ADAM32: variants seen among roughly 807,000 people sequenced by gnomAD.
ADAM32 encodes ADAM metallopeptidase domain 32.
In ADAM32, 89 loss-of-function variants were observed where a neutral mutation model predicts 114.9. The ratio of observed to expected loss-of-function variants is 0.77; its 90% CI spans 0.65 to 0.92. The LOEUF (loss-of-function observed/expected upper bound fraction) is 0.92, where lower values mean the gene tolerates loss of function less well. ADAM32 is among the 40% of genes least tolerant of loss of function. The pLI is 0.00. For synonymous variants in ADAM32, 285 were observed against 307.5 expected (o/e 0.93, Z 0.77); for missense variants, 870 against 932.8 (o/e 0.93, Z 0.88).
intron 10 of ADAM32, among the ~76,000 whole-genome samples, chr8:39,182,983 G>A (rs1056500846): frequency 1.1e-4 from 17 of 152,178 alleles, no homozygotes; most frequent in Non-Finnish European, 2.1e-4. Flanking sequence ...AGGTCAAATG[G>A]TATAGTTGGC....
intron 11 of ADAM32, 34 bp from the exon 12 acceptor site, chr8:39,211,110 T>C (rs779049657): frequency 7.9e-6 from 11 of 1,391,764 alleles, no homozygotes; most frequent in Non-Finnish European, 1.0e-5. Context: ...TCCAGAAGTA[T>C]ACTGCCAATG....
chr8:39,230,477 C>T (rs1051383805), intron 14 of ADAM32, among the ~76,000 whole-genome samples: 10 of 152,206 alleles, frequency 6.6e-5, no homozygotes, highest in African/African-American at 2.4e-4. Context: ...TGTGACCAAA[C>T]ATATTCTTTA....
intron 14 of ADAM32, 48 bp from the exon 15 acceptor site, chr8:39,231,979 G>A (rs1363656449): frequency 4.9e-6 from 7 of 1,438,344 alleles, no homozygotes; most frequent in Non-Finnish European, 6.8e-6. Context: ...GGAGGAAGAT[G>A]AAAAACCAAT....
At chr8:39,165,901 T>G (rs1804802020) in intron 9 of ADAM32, 1 of 152,194 alleles carries the variant, frequency 6.6e-6, no homozygotes, top group Non-Finnish European at 1.5e-5. Context: ...ATTTGCTTTT[T>G]TTCTGATGAC....
chr8:39,224,949 G>T (rs1809250948), intron 14 of ADAM32, among the ~76,000 whole-genome samples: 5 of 152,144 alleles, frequency 3.3e-5, no homozygotes, highest in Admixed American at 3.3e-4. Context: ...GAACAAAGAA[G>T]GGAGGAAGCT....
intron 16 of ADAM32, among the ~76,000 whole-genome samples, chr8:39,234,641 A>C (rs1379217143): frequency 6.6e-6 from 1 of 152,258 alleles, no homozygotes; most frequent in East Asian, 1.9e-4. Flanking sequence ...TGCCCAGAAC[A>C]TAGTAATAAC....
At chr8:39,170,713 T>A (rs1585448278) in intron 10 of ADAM32, among the ~76,000 whole-genome samples, 1 of 152,090 alleles carries the variant, frequency 6.6e-6, no homozygotes, top group South Asian at 2.1e-4. Flanking sequence ...TTGATTGATA[T>A]ATATATCTTA....
At chr8:39,231,718 G>T (rs542548110) in intron 14 of ADAM32, among the ~76,000 whole-genome samples, 23 of 152,198 alleles carry the variant, frequency 1.5e-4, no homozygotes, top group Admixed American at 5.9e-4. Flanking sequence ...TAGAAGAATG[G>T]TATAGTTTTC....
chr8:39,238,797 A>G (rs565596844), intron 16 of ADAM32, among the ~76,000 whole-genome samples: 3 of 152,260 alleles, frequency 2.0e-5, no homozygotes, highest in African/African-American at 7.2e-5. Flanking sequence ...AGTTTCAACA[A>G]TAGAATTGAA....
intron 2 of ADAM32, among the ~76,000 whole-genome samples, chr8:39,118,607 A>C (rs1312535798): frequency 3.9e-5 from 6 of 152,114 alleles, no homozygotes; most frequent in African/African-American, 1.4e-4. Flanking sequence ...TTGTTCATTG[A>C]TTTATTTAGC....
rs371182952 is a variant in ADAM32, at chr8:39,149,858, C to T, written c.344C>T (p.Ser115Phe). ...TCCATGGTCACACTCAGCACGTGCT[C>T]TGGACTAAGGTTGTTTTCTGTTGTT... ...PDSMVTLSTC[S>F]GLRGILQFEN... The change falls in exon 5 of 25, where the codon TCT (serine) becomes TTT (phenylalanine). Residue 115 changes from serine (S) to phenylalanine (F), a missense_variant. By Grantham distance (155) the Ser-to-Phe change is radical. Coordinates refer to ENST00000379907, the MANE Select transcript of ADAM32 (RefSeq NM_145004.7). 3 of 1,609,744 alleles carry T rather than the reference C, an allele frequency of 1.9e-6. No homozygotes were observed. Among genetic ancestry groups the T allele is most frequent in the Non-Finnish European group, 2.5e-6 (3 of 1,177,170 alleles).
intron 1 of ADAM32, among the ~76,000 whole-genome samples, chr8:39,115,227 T>C (rs1588460919): frequency 6.6e-6 from 1 of 152,246 alleles, no homozygotes; most frequent in Non-Finnish European, 1.5e-5. Flanking sequence ...CCCTTGGGTA[T>C]ATACTCAGTA....
intron 1 of ADAM32, 100 bp from the exon 2 acceptor site, chr8:39,117,986 C>A: frequency 1.5e-6 from 1 of 687,566 alleles, no homozygotes; most frequent in Non-Finnish European, 2.3e-6. Context: ...AGTGATGAGC[C>A]ACCCATACCT....
intron 19 of ADAM32, among the ~76,000 whole-genome samples, chr8:39,265,802 A>T (rs889596422): frequency 2.6e-5 from 4 of 152,138 alleles, no homozygotes; most frequent in African/African-American, 9.7e-5. Flanking sequence ...GCAGGTAATG[A>T]TCTTCCCTTT....
At position 39,246,102 on chromosome 8, in the gene ADAM32, G is replaced by A; in HGVS notation, c.1838G>A (p.Cys613Tyr). The change falls in exon 17 of 25, where the codon TGT becomes TAT. Residue 613 changes from cysteine to tyrosine, a missense_variant. Cys to Tyr is a radical substitution (Grantham distance 194). Coordinates refer to ENST00000379907, the MANE Select transcript of ADAM32 (RefSeq NM_145004.7). ...DIGRVCVNRE[C>Y]VESRIIKASA... is the part of the protein sequence containing the mutation. The stretch of plus-strand genomic sequence containing the variant: ...CTTTAGGTTTGTGTAAATCGTGAAT[G>A]TGTAGAATCAAGGATAATTAAGGCT... 1 of 1,613,500 alleles carries A rather than the reference G, an allele frequency of 6.2e-7. No homozygotes were observed. The highest frequency in any genetic ancestry group is 8.5e-7 in the Non-Finnish European group (1 of 1,179,592).
intron 17 of ADAM32, among the ~76,000 whole-genome samples, chr8:39,246,594 A>C (rs74303313): frequency 0.22 from 32,785 of 152,082 alleles, 3,798 homozygotes; most frequent in East Asian, 0.29. Flanking sequence ...TAGAAAGTAC[A>C]GAGATTTTCC....
chr8:39,270,958 A>G (rs753370813), intron 20 of ADAM32, 44 bp downstream of exon 20: 2 of 1,550,592 alleles, frequency 1.3e-6, no homozygotes, highest in Non-Finnish European at 1.8e-6. Flanking sequence ...GTTGAAAATT[A>G]AGAGTTAATT....
At chr8:39,207,162 C>T (rs542275013) in intron 11 of ADAM32, among the ~76,000 whole-genome samples, 6 of 152,242 alleles carry the variant, frequency 3.9e-5, no homozygotes, top group African/African-American at 1.4e-4. Context: ...TTCTCTGCTC[C>T]TCTGTCTTTC....
chr8:39,149,483 C>T (rs2129445494), intron 4 of ADAM32, among the ~76,000 whole-genome samples: 1 of 152,204 alleles, frequency 6.6e-6, no homozygotes, highest in Non-Finnish European at 1.5e-5. Context: ...GATTCATCAT[C>T]TTTGTCTTTT....
Sources: allele counts gnomAD v4.1 joint callset (sites outside exome capture counted in the v4.1 genomes callset), GRCh38; gene constraint gnomAD v4.1.1; transcripts MANE v1.5; gene names NCBI Gene and HGNC (gene_info 2026-07-23, HGNC 2026-07-21).